ANKS1B: variants seen among roughly 807,000 people sequenced by gnomAD.
ANKS1B encodes ankyrin repeat and sterile alpha motif domain-containing protein 1B.
A neutral mutation model predicts 148.3 loss-of-function variants in ANKS1B; 36 were observed. The observed-to-expected ratio is 0.24, with a 90% CI of 0.19 to 0.32. The LOEUF (loss-of-function observed/expected upper bound fraction) is 0.32. Among genes scored for constraint, ANKS1B ranks in the 10% least tolerant of loss-of-function variants. ANKS1B has a pLI of 1.00. For missense variants in ANKS1B, 1,157 were observed against 1,542.6 expected (o/e 0.75, Z 4.19); for synonymous variants, 542 against 560.8 (o/e 0.97, Z 0.47).
At chr12:99,944,898 G>T (rs907105172) in intron 1 of ANKS1B, among the ~76,000 whole-genome samples, 3 of 152,140 alleles carry the variant, frequency 2.0e-5, no homozygotes, top group Non-Finnish European at 4.4e-5. Flanking sequence ...TGACTTTGGA[G>T]AATGTGTAAG....
chr12:98,988,880 T>A (rs1007771470), intron 17 of ANKS1B, among the ~76,000 whole-genome samples: 1 of 152,234 alleles, frequency 6.6e-6, no homozygotes. Flanking sequence ...CATATACTTC[T>A]TGGCCATTTT....
At chr12:99,030,293 T>G (rs2099951222) in intron 17 of ANKS1B, among the ~76,000 whole-genome samples, 1 of 152,150 alleles carries the variant, frequency 6.6e-6, no homozygotes, top group African/African-American at 2.4e-5. Flanking sequence ...CACATGCTGT[T>G]ATGACCATGG....
chr12:99,688,398 C>T (rs1827146380), intron 8 of ANKS1B, among the ~76,000 whole-genome samples: 1 of 152,230 alleles, frequency 6.6e-6, no homozygotes, highest in African/African-American at 2.4e-5. Flanking sequence ...AATTTACAGA[C>T]ATGTATCGCC....
chr12:99,665,399 G>A (rs1351080026), intron 8 of ANKS1B, among the ~76,000 whole-genome samples: 13 of 151,902 alleles, frequency 8.6e-5, no homozygotes. Flanking sequence ...TGCTACTAAT[G>A]TGCTAAATAT....
chr12:98,745,033 T>G lies in ANKS1B; in HGVS notation c.*706A>C. Reference sequence around the variant, plus strand: ...TTATCAATGCATTAATGAAACATTCTTTTAATAAAAATATTTAATACAAGA... The same window carrying G: ...TTATCAATGCATTAATGAAACATTCGTTTAATAAAAATATTTAATACAAGA... On this transcript the variant is annotated 3_prime_UTR_variant, in exon 27 of 27. Transcript: ENST00000683438. 1.0e-6 allele frequency: 1 copy of G among 985,270 alleles called. No homozygotes were observed. The highest frequency in any genetic ancestry group is 1.2e-6 in the Non-Finnish European group (1 of 829,382). 61.0% of individuals were successfully genotyped at this position (985,270 alleles called of 1,614,324 possible).
At chr12:99,534,055 T>C (rs1469721880) in intron 9 of ANKS1B, among the ~76,000 whole-genome samples, 1 of 152,146 alleles carries the variant, frequency 6.6e-6, no homozygotes, top group Non-Finnish European at 1.5e-5. Flanking sequence ...AGACAAGAAA[T>C]ATGGTAACAT....
At chr12:98,934,349 C>T (rs532345381) in intron 17 of ANKS1B, among the ~76,000 whole-genome samples, 2 of 152,152 alleles carry the variant, frequency 1.3e-5, no homozygotes, top group East Asian at 1.9e-4. Context: ...CTCCATTAGC[C>T]TATATGTCTG....
intron 1 of ANKS1B, among the ~76,000 whole-genome samples, chr12:99,977,523 A>G (rs2095644108): frequency 6.6e-6 from 1 of 152,244 alleles, no homozygotes; most frequent in African/African-American, 2.4e-5. Context: ...CTCAAATCAT[A>G]GCACTGTGGA....
intron 16 of ANKS1B, among the ~76,000 whole-genome samples, chr12:99,053,609 G>A (rs902894176): frequency 1.3e-5 from 2 of 152,108 alleles, no homozygotes; most frequent in Non-Finnish European, 2.9e-5. Context: ...CATTCTGGTG[G>A]GTGGAATTAA....
chr12:99,441,480 TA>T (rs1446153565), intron 11 of ANKS1B, among the ~76,000 whole-genome samples: 2 of 151,916 alleles, frequency 1.3e-5, no homozygotes, highest in African/African-American at 4.8e-5. Context: ...TCATAACTCA[TA>T]TGGAGAAATA....
intron 1 of ANKS1B, among the ~76,000 whole-genome samples, chr12:99,849,634 A>C (rs4764927): frequency 0.33 from 49,406 of 151,974 alleles, 8,534 homozygotes; most frequent in African/African-American, 0.37. Context: ...ACTGTAGTAC[A>C]TTCACAAAGA....
At position 98,744,800 on chromosome 12, in the gene ANKS1B, T is replaced by C; in HGVS notation, c.*939A>G. Reference sequence around the variant, plus strand: ...CTTGACAGCAGGAGCACTAGATTTTTTTTTTTTTAACATGTTCTTTAAAAC... The same window carrying C: ...CTTGACAGCAGGAGCACTAGATTTTCTTTTTTTTAACATGTTCTTTAAAAC... On this transcript the variant is annotated 3_prime_UTR_variant, in exon 27 of 27. Coordinates refer to ENST00000683438, the MANE Select transcript of ANKS1B (RefSeq NM_001352186.2). 1 of 985,320 alleles carries C rather than the reference T, an allele frequency of 1.0e-6. No individual in the cohort carries two copies. The highest frequency in any genetic ancestry group is 4.7e-5 in the South Asian group (1 of 21,286). 61.0% of individuals were successfully genotyped at this position (985,320 alleles called of 1,614,324 possible).
At chr12:99,527,203 GT>G (rs1471926134) in intron 9 of ANKS1B, among the ~76,000 whole-genome samples, 1 of 151,528 alleles carries the variant, frequency 6.6e-6, no homozygotes, top group African/African-American at 2.4e-5. Flanking sequence ...CCAATATAGA[GT>G]TAAAAAAAAC....
At chr12:99,593,555 T>G (rs186599987) in intron 9 of ANKS1B, among the ~76,000 whole-genome samples, 113 of 152,172 alleles carry the variant, frequency 7.4e-4, no homozygotes, top group Middle Eastern at 3.4e-3. Context: ...ATTCTTCTCA[T>G]CCGAATACTG....
In ANKS1B at chr12:99,798,433, A is replaced by AAAAC. The variant is rs1555618343; in HGVS notation, c.669+7970_669+7971insGTTT. Among the ~76,000 whole-genome samples the AAAAC allele has an allele frequency of 3.6e-3, 524 of 145,052 alleles. 2 individuals are homozygous for AAAAC. The highest frequency in any genetic ancestry group is 4.4e-3 in the African/African-American group (175 of 39,374). On this transcript the variant is annotated intron_variant, in intron 4 of 26. Coordinates refer to ENST00000683438, the MANE Select transcript of ANKS1B (RefSeq NM_001352186.2). ...GGCACCTCTTGGAATTAAAAAAAAA[A>AAAAC]AAAAAAAAAACAAAAGATAACAACT...
intron 1 of ANKS1B, among the ~76,000 whole-genome samples, chr12:99,847,892 A>G (rs921886918): frequency 1.3e-5 from 2 of 151,954 alleles, no homozygotes; most frequent in Non-Finnish European, 2.9e-5. Context: ...TGCTTGACCT[A>G]CCCCAAAGCT....
chr12:99,698,973 G>GTGTGTGTGT lies in ANKS1B; in HGVS notation c.1129-43764_1129-43763insACACACACA, dbSNP rs56223205. Among the ~76,000 whole-genome samples, 381 of 119,488 alleles carry GTGTGTGTGT rather than the reference G, an allele frequency of 3.2e-3. 2 individuals are homozygous for GTGTGTGTGT. Among genetic ancestry groups the GTGTGTGTGT allele is most frequent in the Admixed American group, 9.7e-3 (118 of 12,218 alleles). The allele number at this position is 119,488 out of a possible 152,430, so 78.4% of individuals were successfully genotyped here. A position where few individuals can be genotyped will look rare whatever the true frequency, so the allele number is the denominator to read the frequency against. On this transcript the variant is annotated intron_variant, in intron 8 of 26. Transcript: ENST00000683438. ...TACTGCTGTTCTGTGTGTGTGTGTG[G>GTGTGTGTGT]GTGTGCACGCACGTGCGCAAGCACA... is the stretch of plus-strand genomic sequence containing the variant.
At chr12:99,451,378 T>G (rs534540218) in intron 10 of ANKS1B, among the ~76,000 whole-genome samples, 3 of 152,132 alleles carry the variant, frequency 2.0e-5, no homozygotes, top group African/African-American at 7.2e-5. Context: ...CCAGGGACCA[T>G]GATAGATGCT....
intron 14 of ANKS1B, among the ~76,000 whole-genome samples, chr12:99,202,487 C>T (rs2082183131): frequency 6.6e-6 from 1 of 152,170 alleles, no homozygotes; most frequent in Non-Finnish European, 1.5e-5. Context: ...ACTTGGACGT[C>T]AAGCAGTTAG....
Sources: gnomAD v4.1 joint callset for allele counts (sites outside exome capture counted in the v4.1 genomes callset) on GRCh38, gnomAD v4.1.1 for gene constraint, MANE v1.5 for transcripts, NCBI Gene and HGNC (gene_info 2026-07-23, HGNC 2026-07-21) for gene names.